The following ACBD4 variants were observed in gnomAD, a reference collection of about 807,000 sequenced individuals.
ACBD4 encodes acyl-CoA-binding domain-containing protein 4.
ACBD4 carries 41 observed loss-of-function variants against 46.0 expected under a neutral mutation model. The observed-to-expected ratio is 0.89, with a 90% confidence interval of 0.69 to 1.16. ACBD4 has a LOEUF of 1.16. Ranked by LOEUF, ACBD4 falls within the 50% of genes most tolerant of loss-of-function variation. ACBD4 has a pLI of 0.00. For synonymous variants in ACBD4, 162 were observed against 155.9 expected, an observed-to-expected ratio of 1.04 and a Z score of -0.29; for missense variants, 393 against 399.5, an observed-to-expected ratio of 0.98 and a Z score of 0.14.
upstream of ACBD4, among the ~76,000 whole-genome samples, chr17:45,134,650 G>C (rs1017327665): frequency 6.6e-6 from 1 of 152,114 alleles, no homozygotes; most frequent in East Asian, 2.0e-4. Flanking sequence ...GGTGGCGAGC[G>C]CCTGTAATCC....
chr17:45,142,612 G>C (rs1476449395), intron 9 of ACBD4: 1 of 210,978 alleles, frequency 4.7e-6, no homozygotes, highest in Non-Finnish European at 9.7e-6. Context: ...CTGGAGTGAA[G>C]TGGCGTGAAC....
chr17:45,141,590 T>C (rs980282052), intron 9 of ACBD4, among the ~76,000 whole-genome samples: 9 of 152,256 alleles, frequency 5.9e-5, no homozygotes, highest in South Asian at 2.1e-4. Flanking sequence ...GCCCAGGAGA[T>C]TGAGGCTGCA....
chr17:45,136,062 C>G, intron 1 of ACBD4, 46 bp from the exon 2 acceptor site: 3 of 1,418,836 alleles, frequency 2.1e-6, no homozygotes, highest in Non-Finnish European at 2.9e-6. Context: ...CTTATGGTGC[C>G]GGGGGGACCC....
chr17:45,137,844 C>T lies in ACBD4; in HGVS notation c.573+14C>T, dbSNP rs541746362. The T allele has an allele frequency of 6.2e-7, 1 of 1,613,246 alleles. No homozygotes were observed. The highest frequency in any genetic ancestry group is 1.3e-5 in the African/African-American group (1 of 75,024). On this transcript the variant is annotated intron_variant, in intron 7 of 9. Coordinates refer to ENST00000321854, the MANE Select transcript of ACBD4 (RefSeq NM_001135705.3). ...GAGCCTGAGCTGGTGAGCCCAGTCC[C>T]CATTCCCCCCTTTTCCCACCCCACT...
upstream of ACBD4, chr17:45,132,109 G>A: frequency 2.1e-6 from 2 of 954,192 alleles, no homozygotes; most frequent in Non-Finnish European, 2.7e-6. This position sits in a 1 kb window ranked among gnomAD's most constrained non-coding sequence, Gnocchi z 4.6. Flanking sequence ...CAGCTGGAGG[G>A]AGCTGGCCCT....
chr17:45,132,585 G>GGGGGC (rs1354581611), upstream of ACBD4: 2 of 263,950 alleles, frequency 7.6e-6, no homozygotes, highest in African/African-American at 4.6e-5. The surrounding 1 kb of genome is among the most constrained non-coding windows in gnomAD (Gnocchi z 4.6). Flanking sequence ...GGGAAGGGAA[G>GGGGGC]GGGGCGGGGC....
At chr17:45,139,699 A>G (rs544283934) in intron 9 of ACBD4, among the ~76,000 whole-genome samples, 20 of 152,302 alleles carry the variant, frequency 1.3e-4, no homozygotes, top group Middle Eastern at 6.8e-3. Context: ...GCCCTATGAG[A>G]TAGAGTTTCT....
intron 9 of ACBD4, among the ~76,000 whole-genome samples, chr17:45,142,389 C>CAAAAAAAAAAAAAAAAAAAAAAAAAAA (rs1161132274): frequency 7.0e-5 from 2 of 28,582 alleles, no homozygotes; most frequent in Non-Finnish European, 1.2e-4. Flanking sequence ...CAAGACTCCT[C>CAAAAAAAAAAAAAAAAAAAAAAAAAAA]AAAAAAAAAA....
At chr17:45,138,335 A>C in intron 8 of ACBD4, 1 of 416,578 alleles carries the variant, frequency 2.4e-6, no homozygotes, top group Non-Finnish European at 4.4e-6. Flanking sequence ...AAATCTCAGA[A>C]GACAATGAGT....
rs539373311 is a variant in ACBD4 at position 45,142,816 on chromosome 17, A to G, written c.790-627A>G. On this transcript the variant is annotated intron_variant, in intron 9 of 9. Coordinates refer to ENST00000321854, the MANE Select transcript of ACBD4 (RefSeq NM_001135705.3). The stretch of plus-strand genomic sequence containing the variant: ...TCGTGACCACCTGCCTCGGCCTCCC[A>G]AAGTGCTGGGATGACAGGCGTGAGC... 1.7e-4 allele frequency: 26 copies of G among 154,444 alleles called. No homozygotes were observed. The South Asian group carries it at 4.6e-3, about 27-fold the overall frequency. The allele number at this position is 154,444 out of a possible 1,614,324, so 9.6% of individuals were successfully genotyped here. A position where few individuals can be genotyped will look rare whatever the true frequency, so the allele number is the denominator to read the frequency against.
In ACBD4 at chr17:45,137,584, G is replaced by A. The variant is rs1356492830; in HGVS notation, c.502+130G>A. The A allele has an allele frequency of 3.7e-6, 5 of 1,353,790 alleles. No homozygotes were observed. The South Asian group carries it at 4.8e-5, about 13-fold the overall frequency. 83.9% of individuals were successfully genotyped at this position (1,353,790 alleles called of 1,614,324 possible). A position where few individuals can be genotyped will look rare whatever the true frequency, so the allele number is the denominator to read the frequency against. Reference sequence around the variant, plus strand: ...TGTGCTCCCAAAGGTGGGGACCGGGGTCTAGGATTCCTGTTCCAGGGCCTT... The same window carrying A: ...TGTGCTCCCAAAGGTGGGGACCGGGATCTAGGATTCCTGTTCCAGGGCCTT... On this transcript the variant is annotated intron_variant, in intron 6 of 9. Coordinates refer to ENST00000321854, the MANE Select transcript of ACBD4 (RefSeq NM_001135705.3).
At chr17:45,143,422 C>T (rs1396460485) in intron 9 of ACBD4, 21 bp from the exon 10 acceptor site, 3 of 1,591,080 alleles carry the variant, frequency 1.9e-6, no homozygotes, top group Non-Finnish European at 2.6e-6. Flanking sequence ...TGGCCTCTGA[C>T]TCCCTCCCTC....
At chr17:45,134,549 G>GT (rs1249314642), upstream of ACBD4, among the ~76,000 whole-genome samples, 4 of 152,294 alleles carry the variant, frequency 2.6e-5, no homozygotes. Context: ...GGCCGAGGTC[G>GT]GCGGATCACG....
At chr17:45,135,100 G>A (rs2054724825), upstream of ACBD4, among the ~76,000 whole-genome samples, 1 of 151,960 alleles carries the variant, frequency 6.6e-6, no homozygotes, top group Non-Finnish European at 1.5e-5. Context: ...CGTGTAGCTG[G>A]GATTACAGGC....
intron 8 of ACBD4, among the ~76,000 whole-genome samples, 181 bp from the exon 9 acceptor site, chr17:45,138,840 T>C (rs2055066355): frequency 6.6e-6 from 1 of 151,610 alleles, no homozygotes; most frequent in East Asian, 1.9e-4. Context: ...GCGGCCATGC[T>C]GGGATTAAAC....
chr17:45,135,094 T>C (rs1342811751), upstream of ACBD4, among the ~76,000 whole-genome samples: 7 of 152,102 alleles, frequency 4.6e-5, no homozygotes, highest in East Asian at 1.4e-3. Context: ...GCCTCCCGTG[T>C]AGCTGGGATT....
intron 1 of ACBD4, 45 bp from the exon 2 acceptor site, chr17:45,136,063 G>T: frequency 7.0e-7 from 1 of 1,420,764 alleles, no homozygotes; most frequent in East Asian, 2.3e-5. Context: ...TTATGGTGCC[G>T]GGGGGACCCT....
intron 9 of ACBD4, among the ~76,000 whole-genome samples, chr17:45,139,552 T>A (rs534115935): frequency 6.6e-6 from 1 of 152,120 alleles, no homozygotes; most frequent in African/African-American, 2.4e-5. Flanking sequence ...CTTGCATCCC[T>A]CTCCTCAACT....
Position 45,143,489 on chromosome 17 carries a change from C to G in ACBD4, c.836C>G (p.Pro279Arg). 6.2e-7 allele frequency: 1 copy of G among 1,613,424 alleles called. No individual in the cohort carries two copies. The highest frequency in any genetic ancestry group is 8.5e-7 in the Non-Finnish European group (1 of 1,179,944). The change falls in exon 10 of 10, where the codon CCG (proline) becomes CGG (arginine). Residue 279 changes from proline to arginine, a missense_variant. By Grantham distance (103) the Pro-to-Arg change is moderately radical (BLOSUM62 -2). Transcript: ENST00000321854. Reference sequence around the variant, plus strand: ...GCTCGGCCATGGCCCCTTGGGCTCCCGGGGCCCGCGCTGCTCTTCTTCCTC... The same window carrying G: ...GCTCGGCCATGGCCCCTTGGGCTCCGGGGGCCCGCGCTGCTCTTCTTCCTC... The part of the protein sequence containing the change: ...PSARPWPLGL[P>R]GPALLFFLLW...
Sources: allele counts gnomAD v4.1 joint callset (sites outside exome capture counted in the v4.1 genomes callset), GRCh38; gene constraint gnomAD v4.1.1; non-coding constraint Gnocchi (gnomAD v3.1); transcripts MANE v1.5; gene names NCBI Gene and HGNC (gene_info 2026-07-23, HGNC 2026-07-21).